NFE2L3: variants seen among roughly 807,000 people sequenced by gnomAD.
NFE2L3 encodes nuclear factor erythroid 2-related factor 3.
A neutral mutation model predicts 23.5 loss-of-function variants in NFE2L3; 18 were observed. The observed-to-expected ratio is 0.77, with a 90% confidence interval of 0.53 to 1.13. The LOEUF (loss-of-function observed/expected upper bound fraction) is 1.13. NFE2L3 is among the 50% of genes most tolerant of loss of function. The probability of loss-of-function intolerance (pLI) is 0.00; values close to 1 mark genes in which losing one functional copy is unlikely to be tolerated. For synonymous variants in NFE2L3, 424 were observed against 354.5 expected, an observed-to-expected ratio of 1.20 and a Z score of -2.20; for missense variants, 1,152 against 877.2, an observed-to-expected ratio of 1.31 and a Z score of -3.96.
At chr7:26,161,005 C>T (rs936806505) in intron 1 of NFE2L3, among the ~76,000 whole-genome samples, 5 of 152,212 alleles carry the variant, frequency 3.3e-5, no homozygotes, top group East Asian at 1.9e-4. Flanking sequence ...ACAGATGATT[C>T]GCTTTTATTG....
chr7:26,184,080 C>T (rs1782409624), intron 3 of NFE2L3: 1 of 421,446 alleles, frequency 2.4e-6, no homozygotes, highest in Non-Finnish European at 4.3e-6. Flanking sequence ...AAAGGGACAC[C>T]TGCACCCCCA....
chr7:26,179,030 G>A (rs573184884), intron 2 of NFE2L3, among the ~76,000 whole-genome samples: 1 of 151,894 alleles, frequency 6.6e-6, no homozygotes, highest in South Asian at 2.1e-4. Context: ...ATATTACATG[G>A]AACATTACTT....
intron 3 of NFE2L3, 158 bp downstream of exon 3, chr7:26,183,942 T>C (rs1782401970): frequency 1.2e-5 from 7 of 566,002 alleles, no homozygotes. Context: ...ATGTATAGCA[T>C]TCCTCTTTCC....
intron 1 of NFE2L3, among the ~76,000 whole-genome samples, chr7:26,171,288 G>A (rs1784324631): frequency 6.6e-6 from 1 of 152,228 alleles, no homozygotes; most frequent in East Asian, 1.9e-4. Flanking sequence ...GTTCATGCCT[G>A]TAATCCCAGT....
Position 26,185,654 on chromosome 7 carries a change from C to A in NFE2L3, c.1956C>A (p.Asp652Glu). Reference sequence around the variant, plus strand: ...ATATTTTTAGTAGATTAAGAGATGACCAAGGTAGGCCAGTCAATCCCAACC... The same window carrying A: ...ATATTTTTAGTAGATTAAGAGATGAACAAGGTAGGCCAGTCAATCCCAACC... ...YHDIFSRLRD[D>E]QGRPVNPNHY... is the part of the protein sequence containing the mutation. Residue 652 changes from aspartate (D) to glutamate (E), a missense_variant, in exon 4 of 4, where the codon GAC becomes GAA. Transcript: ENST00000056233. The A allele has an allele frequency of 6.2e-7, 1 of 1,613,872 alleles. No individual in the cohort carries two copies. The highest frequency in any genetic ancestry group is 8.5e-7 in the Non-Finnish European group (1 of 1,179,826).
At chr7:26,155,111 G>A (rs1489692823) in intron 1 of NFE2L3, among the ~76,000 whole-genome samples, 1 of 152,154 alleles carries the variant, frequency 6.6e-6, no homozygotes, top group Non-Finnish European at 1.5e-5. Context: ...AACCTTGTGT[G>A]GTGCACTGGC....
intron 1 of NFE2L3, among the ~76,000 whole-genome samples, chr7:26,166,663 A>G (rs571231330): frequency 1.3e-5 from 2 of 152,374 alleles, no homozygotes; most frequent in East Asian, 1.9e-4. Flanking sequence ...CCAGTGCTCA[A>G]TCAACACAAG....
In NFE2L3 at chr7:26,154,535, T is replaced by C. The variant is rs143200356; in HGVS notation, c.570+1467T>C. ...GCATCACCTGGGAGACAAAGTGGCC[T>C]TCCCTTGGCTGTTTTTTTGTTTGTT... On this transcript the variant is annotated intron_variant, in intron 1 of 3. Coordinates refer to ENST00000056233, the MANE Select transcript of NFE2L3 (RefSeq NM_004289.7). Among the ~76,000 whole-genome samples, 1,175 of 152,238 alleles carry C rather than the reference T, an allele frequency of 7.7e-3. 50 individuals carry two copies. Among genetic ancestry groups the C allele is most frequent in the Admixed American group, 0.067 (1,028 of 15,298 alleles).
rs762106623 is a variant in NFE2L3 at position 26,177,989 on chromosome 7, C to G, written c.617C>G (p.Ser206Cys). The G allele has an allele frequency of 6.2e-7, 1 of 1,613,902 alleles. No individual in the cohort carries two copies. Among genetic ancestry groups the G allele is most frequent in the Non-Finnish European group, 8.5e-7 (1 of 1,179,984 alleles). The change falls in exon 2 of 4, where the codon TCC becomes TGC. Residue 206 changes from serine (S) to cysteine (C), a missense_variant. Transcript: ENST00000056233. ...AAGCACGAAGCTGTGGATCATAGTTCCCAGCATGAGGAAAATGAAGAAAGG... is the reference window on the plus strand; with the variant it reads ...AAGCACGAAGCTGTGGATCATAGTTGCCAGCATGAGGAAAATGAAGAAAGG... Reference protein sequence around the residue: ...REKHEAVDHSSQHEENEERVS... With the variant: ...REKHEAVDHSCQHEENEERVS...
intron 2 of NFE2L3, among the ~76,000 whole-genome samples, chr7:26,178,658 G>C (rs1784457048): frequency 6.6e-6 from 1 of 152,196 alleles, no homozygotes; most frequent in South Asian, 2.1e-4. Context: ...TTGGCTGTGA[G>C]AAGAGGTGTA....
chr7:26,185,132 G>C lies in NFE2L3; in HGVS notation c.1434G>C (p.Leu478Phe). The C allele has an allele frequency of 6.2e-7, 1 of 1,613,804 alleles. No individual in the cohort carries two copies. Among genetic ancestry groups the C allele is most frequent in the South Asian group, 1.1e-5 (1 of 91,046 alleles). The part of the protein sequence containing the change: ...YYPEPSKLCH[L>F]DQSDSDFHGD... ...CAGAACCCAGTAAGCTTTGTCACTT[G>C]GATCAAAGTGATTCTGATTTCCATG... The change falls in exon 4 of 4, where the codon TTG (leucine) becomes TTC (phenylalanine). Residue 478 changes from leucine (L) to phenylalanine (F), a missense_variant. Physicochemically the swap from Leu to Phe is conservative, Grantham distance 22. Transcript: ENST00000056233.
intron 1 of NFE2L3, among the ~76,000 whole-genome samples, chr7:26,160,932 A>T (rs961691571): frequency 1.3e-5 from 2 of 152,260 alleles, no homozygotes; most frequent in Admixed American, 1.3e-4. Flanking sequence ...AGTTCTTGTG[A>T]GGATTAAATG....
Position 26,185,252 on chromosome 7 carries a change from G to C in NFE2L3, c.1554G>C (p.Gly518=), listed in dbSNP as rs373484767. The change falls in exon 4 of 4, where the codon GGG becomes GGC. Residue 518 remains glycine (G), a synonymous_variant. Transcript: ENST00000056233. ...CTTCTGAACCTTTTCCGTGGCCTGGGAAGTCACAGAAGATAAGGAGTAGAT... is the reference window on the plus strand; with the variant it reads ...CTTCTGAACCTTTTCCGTGGCCTGGCAAGTCACAGAAGATAAGGAGTAGAT... ...ESTSEPFPWP[G]KSQKIRSRYL... 1 of 1,614,004 alleles carries C rather than the reference G, an allele frequency of 6.2e-7. No homozygotes were observed. Among genetic ancestry groups the C allele is most frequent in the East Asian group, 2.2e-5 (1 of 44,852 alleles).
chr7:26,185,380 C>A lies in NFE2L3; in HGVS notation c.1682C>A (p.Ser561Tyr). 2 of 1,614,074 alleles carry A rather than the reference C, an allele frequency of 1.2e-6. No homozygotes were observed. The highest frequency in any genetic ancestry group is 1.7e-6 in the Non-Finnish European group (2 of 1,179,980). ...GAAATTGTCGGCATGCCTGTTGATTCTTTCAATAGCATGTTAAGTAGATAT... is the reference window on the plus strand; with the variant it reads ...GAAATTGTCGGCATGCCTGTTGATTATTTCAATAGCATGTTAAGTAGATAT... ...VDEIVGMPVD[S>Y]FNSMLSRYYL... The change falls in exon 4 of 4, where the codon TCT (serine) becomes TAT (tyrosine). Residue 561 changes from serine to tyrosine, a missense_variant. By Grantham distance (144) the Ser-to-Tyr change is moderately radical (BLOSUM62 -2). Coordinates refer to ENST00000056233, the MANE Select transcript of NFE2L3 (RefSeq NM_004289.7).
At chr7:26,162,018 A>G (rs1229391480) in intron 1 of NFE2L3, among the ~76,000 whole-genome samples, 1 of 151,798 alleles carries the variant, frequency 6.6e-6, no homozygotes, top group Non-Finnish European at 1.5e-5. Context: ...TGGCACACAC[A>G]TGTAATCCCA....
At chr7:26,156,169 A>C (rs779679713) in intron 1 of NFE2L3, among the ~76,000 whole-genome samples, 24 of 152,202 alleles carry the variant, frequency 1.6e-4, no homozygotes, top group Non-Finnish European at 3.2e-4. Flanking sequence ...TCCCATGCAC[A>C]ATGGGAATCA....
intron 1 of NFE2L3, among the ~76,000 whole-genome samples, chr7:26,177,551 C>T (rs1784435966): frequency 6.6e-6 from 1 of 152,162 alleles, no homozygotes; most frequent in Non-Finnish European, 1.5e-5. Flanking sequence ...GAGCCAAGAT[C>T]ACGGCAGTAG....
intron 1 of NFE2L3, among the ~76,000 whole-genome samples, chr7:26,173,257 T>TC (rs1281359817): frequency 6.6e-6 from 1 of 152,102 alleles, no homozygotes; most frequent in Admixed American, 6.5e-5. Flanking sequence ...TCAAAAAGTT[T>TC]CCCCCCACAA....
chr7:26,160,455 G>A (rs1784150411), intron 1 of NFE2L3, among the ~76,000 whole-genome samples: 2 of 152,158 alleles, frequency 1.3e-5, no homozygotes, highest in African/African-American at 4.8e-5. Context: ...CAGAAAAACA[G>A]AATGAGTAGA....
Sources: allele counts gnomAD v4.1 joint callset (sites outside exome capture counted in the v4.1 genomes callset), GRCh38; gene constraint gnomAD v4.1.1; transcripts MANE v1.5; gene names NCBI Gene and HGNC (gene_info 2026-07-23, HGNC 2026-07-21).